The following FGF14 variants were observed in gnomAD, a reference collection of about 807,000 sequenced individuals.
The protein encoded by FGF14 is fibroblast growth factor homologous factor 4.
In FGF14, 5 loss-of-function variants were observed where a neutral mutation model predicts 25.5. The ratio of observed to expected loss-of-function variants is 0.20; its 90% confidence interval spans 0.10 to 0.41. FGF14 has a LOEUF of 0.41. FGF14 is among the 10% of genes least tolerant of loss of function. FGF14 has a pLI of 1.00. For missense variants in FGF14, 222 were observed against 320.1 expected (o/e 0.69, Z 2.34); for synonymous variants, 138 against 118.3 (o/e 1.17, Z -1.08).
chr13:102,288,697 G>C (rs1040086037), intron 1 of FGF14, among the ~76,000 whole-genome samples: 6 of 152,006 alleles, frequency 3.9e-5, no homozygotes, highest in Non-Finnish European at 8.8e-5. Context: ...CAATTCTTCT[G>C]CCTCAGCCTC....
At chr13:102,093,037 A>C (rs991662431) in intron 1 of FGF14, among the ~76,000 whole-genome samples, 9 of 152,298 alleles carry the variant, frequency 5.9e-5, no homozygotes, top group African/African-American at 2.2e-4. Context: ...GTTGGTGTGG[A>C]CACATATATA....
chr13:102,161,570 A>AAAGAAGAAAGAAGAAG (rs1555369389), intron 1 of FGF14, among the ~76,000 whole-genome samples: 152 of 5,650 alleles, frequency 0.027, 37 homozygotes, highest in Non-Finnish European at 0.021. Flanking sequence ...TTCTGTGAAG[A>AAAGAAGAAAGAAGAAG]AAGAAAGAAG....
rs73569547 is a variant in FGF14, at chr13:101,979,449, G to T, written c.209-104153C>A. ...ATTTCCCTTAACAAACTTCAAAATA[G>T]GCCTTGTTATTAGCCCTATTTTACA... On this transcript the variant is annotated intron_variant, in intron 1 of 4. Transcript: ENST00000376131. Among the ~76,000 whole-genome samples the T allele has an allele frequency of 6.2e-3, 949 of 152,112 alleles. 5 individuals carry two copies. Among genetic ancestry groups the T allele is most frequent in the African/African-American group, 0.022 (896 of 41,484 alleles).
chr13:101,880,200 C>G (rs989577838), intron 1 of FGF14, among the ~76,000 whole-genome samples: 1 of 152,124 alleles, frequency 6.6e-6, no homozygotes, highest in Non-Finnish European at 1.5e-5. Flanking sequence ...CTTCCACAGG[C>G]TAGAATAGCT....
At chr13:102,030,183 C>CT (rs1173612705) in intron 1 of FGF14, among the ~76,000 whole-genome samples, 7 of 152,050 alleles carry the variant, frequency 4.6e-5, no homozygotes, top group Non-Finnish European at 8.8e-5. Flanking sequence ...GCATATTTGT[C>CT]TATGGATAAT....
chr13:102,039,118 CTTGAA>C (rs1431962526), intron 1 of FGF14, among the ~76,000 whole-genome samples: 3 of 152,196 alleles, frequency 2.0e-5, no homozygotes, highest in Non-Finnish European at 2.9e-5. Flanking sequence ...GAAGCTTGAA[CTTGAA>C]TTCAATTCAG....
At chr13:101,748,444 G>A (rs1215251110) in intron 3 of FGF14, among the ~76,000 whole-genome samples, 1 of 151,680 alleles carries the variant, frequency 6.6e-6, no homozygotes, top group Non-Finnish European at 1.5e-5. Flanking sequence ...TGTACACATG[G>A]ACATACAGTA....
intron 1 of FGF14, among the ~76,000 whole-genome samples, chr13:102,264,602 G>A (rs2052891881): frequency 6.6e-6 from 1 of 151,444 alleles, no homozygotes; most frequent in African/African-American, 2.4e-5. Flanking sequence ...ATTTTATAAA[G>A]GAATTATTTA....
intron 1 of FGF14, among the ~76,000 whole-genome samples, chr13:102,080,279 G>A (rs1330261648): frequency 1.3e-5 from 2 of 152,156 alleles, no homozygotes; most frequent in Non-Finnish European, 2.9e-5. Flanking sequence ...ATGCAGTGGA[G>A]GTGGTGAGCA....
intron 1 of FGF14, among the ~76,000 whole-genome samples, chr13:102,114,147 T>C (rs576191245): frequency 1.2e-4 from 19 of 152,332 alleles, no homozygotes; most frequent in African/African-American, 3.8e-4. Context: ...GTGTCTTGTT[T>C]GCATTTCTTG....
At chr13:101,786,733 T>C (rs1398026910) in intron 3 of FGF14, among the ~76,000 whole-genome samples, 1 of 152,188 alleles carries the variant, frequency 6.6e-6, no homozygotes, top group East Asian at 1.9e-4. Context: ...CAACATACCC[T>C]CAAAAATTTG....
intron 1 of FGF14, among the ~76,000 whole-genome samples, chr13:102,241,651 T>A (rs918475804): frequency 9.2e-5 from 14 of 152,118 alleles, no homozygotes; most frequent in Admixed American, 4.6e-4. Flanking sequence ...AGACAGTTTA[T>A]TTTTTTCCAT....
At chr13:102,237,308 T>G (rs996775641) in intron 1 of FGF14, among the ~76,000 whole-genome samples, 1 of 152,146 alleles carries the variant, frequency 6.6e-6, no homozygotes, top group Non-Finnish European at 1.5e-5. Flanking sequence ...GTTCCCTGCA[T>G]CCGAGCAGCA....
chr13:102,096,005 A>G (rs369688938), intron 1 of FGF14, among the ~76,000 whole-genome samples: 33 of 145,352 alleles, frequency 2.3e-4, no homozygotes, highest in African/African-American at 5.7e-4. Context: ...GTGTGTGTAT[A>G]TATATATATA....
At chr13:101,768,752 A>T (rs1239396267) in intron 3 of FGF14, among the ~76,000 whole-genome samples, 1 of 152,180 alleles carries the variant, frequency 6.6e-6, no homozygotes, top group Admixed American at 6.6e-5. Context: ...TACTGGGACA[A>T]CTGGAACGTC....
Position 102,097,469 on chromosome 13 carries a change from G to T in FGF14, c.209-222173C>A, listed in dbSNP as rs139400991. 2.6e-5 allele frequency among the ~76,000 whole-genome samples: 4 copies of T among 152,272 alleles called. No individual in the cohort carries two copies. In the East Asian group the frequency reaches 7.7e-4, roughly 29 times the overall value. ...CCTACTTGATCACAGTAACAAATCA[G>T]ACATATTTATCACCTTCCCTTTTAA... is the stretch of plus-strand genomic sequence containing the variant. On this transcript the variant is annotated intron_variant, in intron 1 of 4. Transcript: ENST00000376131.
intron 1 of FGF14, among the ~76,000 whole-genome samples, chr13:102,115,848 ATG>A (rs2045445341): frequency 6.6e-6 from 1 of 152,122 alleles, no homozygotes; most frequent in Non-Finnish European, 1.5e-5. Flanking sequence ...GTGGCGGCTC[ATG>A]CCTGTAATCT....
At chr13:102,096,160 G>T (rs939893581) in intron 1 of FGF14, among the ~76,000 whole-genome samples, 4 of 151,874 alleles carry the variant, frequency 2.6e-5, no homozygotes, top group African/African-American at 7.2e-5. Context: ...TTTTAGCAAA[G>T]GTCACTCAAT....
At chr13:102,183,240 G>A (rs372654903) in intron 1 of FGF14, among the ~76,000 whole-genome samples, 1 of 152,012 alleles carries the variant, frequency 6.6e-6, no homozygotes, top group Admixed American at 6.6e-5. Flanking sequence ...TTCCCCTAAG[G>A]ATTTTTTTAG....
Sources: gnomAD v4.1 joint callset for allele counts (sites outside exome capture counted in the v4.1 genomes callset) on GRCh38, gnomAD v4.1.1 for gene constraint, MANE v1.5 for transcripts, NCBI Gene and HGNC (gene_info 2026-07-23, HGNC 2026-07-21) for gene names.